MAPKBP1: variants seen among roughly 807,000 people sequenced by gnomAD.
MAPKBP1 encodes the protein mitogen-activated protein kinase binding protein 1.
In MAPKBP1, 71 loss-of-function variants were observed where a neutral mutation model predicts 170.5. The observed-to-expected ratio is 0.42, with a 90% CI of 0.34 to 0.51. The LOEUF (loss-of-function observed/expected upper bound fraction) is 0.51, where lower values mean the gene tolerates loss of function less well. MAPKBP1 is among the 20% of genes least tolerant of loss of function. MAPKBP1 has a pLI of 0.06. For missense variants in MAPKBP1, 1,598 were observed against 1,933.0 expected, an observed-to-expected ratio of 0.83 and a Z score of 3.25; for synonymous variants, 719 against 757.9, an observed-to-expected ratio of 0.95 and a Z score of 0.84.
intron 28 of MAPKBP1, 82 bp downstream of exon 28, chr15:41,823,304 G>A (rs1253140091): frequency 5.1e-6 from 8 of 1,556,574 alleles, no homozygotes; most frequent in Non-Finnish European, 7.0e-6. Context: ...GGCCTGGTGT[G>A]GCCCTGATGT....
In MAPKBP1 at chr15:41,816,553, T is replaced by C. The variant is rs2064895202; in HGVS notation, c.1494-6T>C. The C allele has an allele frequency of 6.2e-7, 1 of 1,612,212 alleles. No homozygotes were observed. The highest frequency in any genetic ancestry group is 1.7e-5 in the Admixed American group (1 of 60,002). On this transcript the variant is annotated splice_polypyrimidine_tract_variant and splice_region_variant and intron_variant, in intron 12 of 30. Coordinates refer to ENST00000457542, the MANE Select transcript of MAPKBP1 (RefSeq NM_014994.3). ...GGCCTCTTCCCACCTCTCCTCATCT[T>C]TGCAGGGTGCACGAACTTCAGTCCC...
Position 41,822,022 on chromosome 15 carries a change from C to G in MAPKBP1, c.2943C>G (p.Ser981Arg). The G allele has an allele frequency of 6.2e-7, 1 of 1,609,884 alleles. No individual in the cohort carries two copies. The highest frequency in any genetic ancestry group is 2.2e-5 in the East Asian group (1 of 44,668). Residue 981 changes from serine to arginine, a missense_variant, in exon 25 of 31, where the codon AGC (serine) becomes AGG (arginine). Around this residue, in one of 6 missense-constraint regions of MAPKBP1, gnomAD observed 942 missense variants for 953.2 expected, o/e 0.99. Coordinates refer to ENST00000457542, the MANE Select transcript of MAPKBP1 (RefSeq NM_014994.3). ...RGTLGRVYPG[S>R]RSSEKHSPDS... ...CTCTGGGAAGAGTGTACCCAGGCAG[C>G]AGGAGCTCAGAAAAGCACAGCCCTG...
intron 2 of MAPKBP1, among the ~76,000 whole-genome samples, chr15:41,786,608 CA>C (rs1319606774): frequency 5.3e-4 from 80 of 149,664 alleles, no homozygotes; most frequent in East Asian, 2.3e-3. Flanking sequence ...ACTAAAAATA[CA>C]AAAAAATTAG....
In MAPKBP1 at chr15:41,811,184, C is replaced by T. The variant is rs200191271; in HGVS notation, c.276C>T (p.Thr92=). 160 of 1,614,212 alleles carry T rather than the reference C, an allele frequency of 9.9e-5. No individual in the cohort carries two copies. The highest frequency in any genetic ancestry group is 2.7e-4 in the Admixed American group (16 of 60,028). ...QHHILNSSRK[T]ITALAFSPDG... is the part of the protein sequence containing the mutation. ...CCTGCCCCATCTCTTGCAGGAAAAC[C>T]ATCACTGCCCTTGCCTTCTCCCCTG... The change falls in exon 5 of 31, where the codon ACC becomes ACT. Residue 92 remains threonine, a synonymous_variant. Transcript: ENST00000457542.
chr15:41,775,898 G>A (rs757499641), intron 2 of MAPKBP1, among the ~76,000 whole-genome samples: 2 of 152,188 alleles, frequency 1.3e-5, no homozygotes, highest in Non-Finnish European at 2.9e-5. Context: ...TCTTCAAGAG[G>A]CTAACTGGAG....
intron 28 of MAPKBP1, 60 bp downstream of exon 28, chr15:41,823,282 TG>T: frequency 6.4e-7 from 1 of 1,574,574 alleles, no homozygotes; most frequent in South Asian, 1.2e-5. Flanking sequence ...ATGTACATGC[TG>T]GAGGAGGGAG....
chr15:41,788,414 C>A (rs2064338173), intron 2 of MAPKBP1, among the ~76,000 whole-genome samples: 1 of 151,962 alleles, frequency 6.6e-6, no homozygotes. Flanking sequence ...TAAGACAAAT[C>A]CATAAAGAAT....
rs1228438469 is a variant in MAPKBP1 at position 41,824,015 on chromosome 15, C to T, written c.4167C>T (p.Asn1389=). The T allele has an allele frequency of 6.2e-7, 1 of 1,611,572 alleles. No homozygotes were observed. ...LQPPPPEKTP[N]PMECTKPGAA... ...CCCCACCCCCTGAGAAGACTCCCAA[C>T]CCCATGGAATGCACCAAGCCAGGGG... The change falls in exon 29 of 31, where the codon AAC becomes AAT. Residue 1389 remains asparagine (N), a synonymous_variant. Coordinates refer to ENST00000457542, the MANE Select transcript of MAPKBP1 (RefSeq NM_014994.3).
Position 41,813,795 on chromosome 15 carries a change from G to A in MAPKBP1, c.980+14G>A, listed in dbSNP as rs558444031. Reference sequence around the variant, plus strand: ...CACCGAGGCCAGGTGAGCTATGTGGGCCCCCCTTCCTCCATTTGTAGCCTT... The same window carrying A: ...CACCGAGGCCAGGTGAGCTATGTGGACCCCCCTTCCTCCATTTGTAGCCTT... On this transcript the variant is annotated intron_variant, in intron 9 of 30. Transcript: ENST00000457542. The A allele has an allele frequency of 3.1e-5, 49 of 1,568,876 alleles. No individual in the cohort carries two copies. Among genetic ancestry groups the A allele is most frequent in the African/African-American group, 5.5e-5 (4 of 72,780 alleles).
Position 41,794,886 on chromosome 15 carries a change from C to T in MAPKBP1, c.115-4937C>T, listed in dbSNP as rs563218495. On this transcript the variant is annotated intron_variant, in intron 2 of 30. Transcript: ENST00000457542. ...ATGAAGAAAAGTAAGGCTGGGTGGC[C>T]GGGCGTGATGGCTCATGCCTGTGAT... is the stretch of plus-strand genomic sequence containing the variant. Among the ~76,000 whole-genome samples the T allele has an allele frequency of 2.6e-5, 4 of 152,170 alleles. No individual in the cohort carries two copies. The South Asian group carries it at 6.2e-4, about 24-fold the overall frequency.
chr15:41,823,219 C>A lies in MAPKBP1; in HGVS notation c.3595C>A (p.Gln1199Lys). The change falls in exon 28 of 31, where the codon CAG becomes AAG. Residue 1199 changes from glutamine to lysine, a missense_variant. By Grantham distance (53) the Gln-to-Lys change is moderately conservative. Coordinates refer to ENST00000457542, the MANE Select transcript of MAPKBP1 (RefSeq NM_014994.3). ...CCAGTCTGTGCACAGTCTGGTGCCA[C>A]AGGGTGAGAAGCCTGATGGGTTCAG... is the stretch of plus-strand genomic sequence containing the variant. Reference protein sequence around the residue: ...KAQSVHSLVPQERHEASLQAP... With the variant: ...KAQSVHSLVPKERHEASLQAP... The A allele has an allele frequency of 6.2e-7, 1 of 1,612,610 alleles. No individual in the cohort carries two copies. Among genetic ancestry groups the A allele is most frequent in the Non-Finnish European group, 8.5e-7 (1 of 1,179,338 alleles).
In MAPKBP1 at chr15:41,826,836, GGT is replaced by G. The variant is rs2065108272; in HGVS notation, c.*1401_*1402del. On this transcript the variant is annotated 3_prime_UTR_variant, in exon 31 of 31. Transcript: ENST00000457542. ...GGAAAGGAGATAGGGGACCCTAGGA[GGT>G]AGAGTGGGACCATGTCGTGAGGCAG... The G allele has an allele frequency of 6.6e-6, 1 of 152,218 alleles. No homozygotes were observed. Among genetic ancestry groups the G allele is most frequent in the East Asian group, 1.9e-4 (1 of 5,194 alleles). 9.4% of individuals were successfully genotyped at this position (152,218 alleles called of 1,614,324 possible).
At chr15:41,809,996 A>G (rs2064774270) in intron 3 of MAPKBP1, among the ~76,000 whole-genome samples, 1 of 152,156 alleles carries the variant, frequency 6.6e-6, no homozygotes, top group African/African-American at 2.4e-5. Context: ...CCCCCACCCC[A>G]TCTTACTGAG....
chr15:41,778,394 AG>A (rs2064131479), intron 2 of MAPKBP1, among the ~76,000 whole-genome samples: 1 of 152,214 alleles, frequency 6.6e-6, no homozygotes, highest in East Asian at 1.9e-4. Flanking sequence ...TGCTCAGTAA[AG>A]GGTTCTTAAT....
At chr15:41,785,274 A>G (rs2064264219) in intron 2 of MAPKBP1, among the ~76,000 whole-genome samples, 1 of 152,060 alleles carries the variant, frequency 6.6e-6, no homozygotes, top group Admixed American at 6.5e-5. Context: ...TTTTATTGTG[A>G]ACTATCTTCA....
rs1044470738 is a variant in MAPKBP1, at chr15:41,811,601, C to G, written c.328-356C>G. On this transcript the variant is annotated intron_variant, in intron 5 of 30. Coordinates refer to ENST00000457542, the MANE Select transcript of MAPKBP1 (RefSeq NM_014994.3). Reference sequence around the variant, plus strand: ...ACCCCCGGGGGCCCCCTGCTGGGCTCAGGAGGAACGCTTCTGTCCTGGCGG... The same window carrying G: ...ACCCCCGGGGGCCCCCTGCTGGGCTGAGGAGGAACGCTTCTGTCCTGGCGG... 3 of 613,084 alleles carry G rather than the reference C, an allele frequency of 4.9e-6. No individual in the cohort carries two copies. In the African/African-American group the frequency reaches 5.4e-5, roughly 11 times the overall value. 38.0% of individuals were successfully genotyped at this position (613,084 alleles called of 1,614,324 possible). A position where few individuals can be genotyped will look rare whatever the true frequency, so the allele number is the denominator to read the frequency against.
At chr15:41,810,032 C>T (rs1233221114) in intron 3 of MAPKBP1, among the ~76,000 whole-genome samples, 2 of 152,336 alleles carry the variant, frequency 1.3e-5, no homozygotes, top group Middle Eastern at 3.4e-3. Flanking sequence ...GCCCCTGCCT[C>T]GCCTCCCACT....
intron 12 of MAPKBP1, chr15:41,816,315 T>C (rs532901336): frequency 4.3e-5 from 22 of 513,368 alleles, no homozygotes; most frequent in Non-Finnish European, 7.6e-5. Flanking sequence ...AGGTCTCTAA[T>C]TAATAGTATT....
chr15:41,803,434 A>AAAAAAAAAAAAAAAAG lies in MAPKBP1; in HGVS notation c.206+3521_206+3522insAAAAAAAAAAAAAAGA, dbSNP rs58804270. On this transcript the variant is annotated intron_variant, in intron 3 of 30. Coordinates refer to ENST00000457542, the MANE Select transcript of MAPKBP1 (RefSeq NM_014994.3). ...ATCTCAAAAAAAAAAAAAAAAAAAA[A>AAAAAAAAAAAAAAAAG]AGGTTAAGCAGGCAGGGTGCAGTGG... Among the ~76,000 whole-genome samples, 463 of 90,738 alleles carry AAAAAAAAAAAAAAAAG rather than the reference A, an allele frequency of 5.1e-3. 139 individuals carry two copies. Among genetic ancestry groups the AAAAAAAAAAAAAAAAG allele is most frequent in the East Asian group, 0.035 (73 of 2,086 alleles). 59.5% of individuals were successfully genotyped at this position (90,738 alleles called of 152,430 possible).
Sources: allele counts gnomAD v4.1 joint callset (sites outside exome capture counted in the v4.1 genomes callset), GRCh38; gene constraint gnomAD v4.1.1; regional missense constraint gnomAD v4.1.1; transcripts MANE v1.5; gene names NCBI Gene and HGNC (gene_info 2026-07-23, HGNC 2026-07-21).